LRP1B: variants seen among roughly 807,000 people sequenced by gnomAD.
The protein encoded by LRP1B is low-density lipoprotein receptor-related protein 1B.
In LRP1B, 217 loss-of-function variants were observed where a neutral mutation model predicts 556.6. The ratio of observed to expected loss-of-function variants is 0.39; its 90% CI spans 0.35 to 0.44. The LOEUF (loss-of-function observed/expected upper bound fraction) is 0.44, where lower values mean the gene tolerates loss of function less well. Ranked by LOEUF, LRP1B falls within the 20% of genes least tolerant of loss-of-function variation. LRP1B has a pLI of 1.00. For missense variants in LRP1B, 5,053 were observed against 5,620.8 expected, an observed-to-expected ratio of 0.90 and a Z score of 3.23; for synonymous variants, 2,047 against 1,865.8, an observed-to-expected ratio of 1.10 and a Z score of -2.50.
chr2:142,114,390 G>A (rs1270937473), intron 1 of LRP1B, among the ~76,000 whole-genome samples: 3 of 152,036 alleles, frequency 2.0e-5, no homozygotes, highest in African/African-American at 7.2e-5. Flanking sequence ...GTATTGAACA[G>A]TTCTAGTCCA....
chr2:140,830,137 C>T (rs1421156993), intron 31 of LRP1B, among the ~76,000 whole-genome samples: 1 of 151,506 alleles, frequency 6.6e-6, no homozygotes, highest in Admixed American at 6.6e-5. Context: ...CAAAAAAAAC[C>T]CCAGGACCTA....
intron 2 of LRP1B, among the ~76,000 whole-genome samples, chr2:141,516,490 A>C (rs4008531): frequency 0.97 from 148,037 of 152,164 alleles, 72,139 homozygotes; most frequent in East Asian, 1. Context: ...TTTTGTTGAG[A>C]AAATGTATTT....
At chr2:141,167,266 G>A (rs945513503) in intron 7 of LRP1B, 1 of 151,600 alleles carries the variant, frequency 6.6e-6, no homozygotes, top group African/African-American at 2.4e-5. Flanking sequence ...TTAATGTATG[G>A]GATGCCTCAC....
intron 24 of LRP1B, among the ~76,000 whole-genome samples, chr2:140,885,095 T>G (rs1693595369): frequency 6.6e-6 from 1 of 152,242 alleles, no homozygotes; most frequent in African/African-American, 2.4e-5. Flanking sequence ...CAGTGCTTTT[T>G]GTTAGACATA....
intron 47 of LRP1B, among the ~76,000 whole-genome samples, chr2:140,529,538 A>G (rs1349714655): frequency 6.6e-6 from 1 of 151,958 alleles, no homozygotes; most frequent in African/African-American, 2.4e-5. Flanking sequence ...CTAAGGGTGC[A>G]CAAATCTAGA....
At chr2:141,428,439 T>G (rs767653706) in intron 3 of LRP1B, among the ~76,000 whole-genome samples, 1 of 152,168 alleles carries the variant, frequency 6.6e-6, no homozygotes, top group Non-Finnish European at 1.5e-5. Flanking sequence ...AATGCTAAGC[T>G]AAAAACTTAT....
intron 2 of LRP1B, among the ~76,000 whole-genome samples, chr2:141,723,269 T>TTC (rs1692907216): frequency 6.6e-6 from 1 of 151,162 alleles, no homozygotes; most frequent in African/African-American, 2.4e-5. Context: ...TTTGTTTTTT[T>TTC]CACTGTGAAC....
intron 1 of LRP1B, among the ~76,000 whole-genome samples, chr2:142,036,147 C>T (rs1320562638): frequency 1.3e-5 from 2 of 151,636 alleles, no homozygotes; most frequent in Non-Finnish European, 3.0e-5. Flanking sequence ...CCACCCCAGG[C>T]CATCTCTTGC....
intron 1 of LRP1B, among the ~76,000 whole-genome samples, chr2:141,981,586 T>G (rs185345938): frequency 3.0e-4 from 46 of 152,196 alleles, no homozygotes; most frequent in Non-Finnish European, 1.6e-4. Context: ...TAAACTGATC[T>G]GTATTTTTCA....
chr2:140,850,588 T>C (rs1038170024), intron 28 of LRP1B, among the ~76,000 whole-genome samples: 4 of 152,178 alleles, frequency 2.6e-5, no homozygotes, highest in Non-Finnish European at 4.4e-5. Context: ...CAATTCTCAC[T>C]GACCTTAGAA....
intron 1 of LRP1B, among the ~76,000 whole-genome samples, chr2:141,854,507 G>A (rs1358316190): frequency 2.0e-5 from 3 of 151,952 alleles, no homozygotes; most frequent in Non-Finnish European, 4.4e-5. Context: ...AAAACTAAAC[G>A]CAGGCACATC....
intron 84 of LRP1B, among the ~76,000 whole-genome samples, chr2:140,285,624 G>T (rs1481697830): frequency 1.3e-5 from 2 of 151,560 alleles, no homozygotes; most frequent in African/African-American, 2.4e-5. Context: ...TAATAATCAG[G>T]TTCCCTCTGT....
chr2:142,102,872 G>T (rs1276107746), intron 1 of LRP1B, among the ~76,000 whole-genome samples: 1 of 151,728 alleles, frequency 6.6e-6, no homozygotes, highest in Admixed American at 6.6e-5. Flanking sequence ...TAATTAATGT[G>T]GACAAAAATA....
intron 1 of LRP1B, among the ~76,000 whole-genome samples, chr2:142,006,969 A>G (rs1702823238): frequency 6.6e-6 from 1 of 151,968 alleles, no homozygotes; most frequent in Non-Finnish European, 1.5e-5. Context: ...AAGAATTAGA[A>G]GACCTGATTT....
chr2:141,857,575 T>A (rs1463789245), intron 1 of LRP1B, among the ~76,000 whole-genome samples: 1 of 151,922 alleles, frequency 6.6e-6, no homozygotes, highest in East Asian at 1.9e-4. Flanking sequence ...GAGCTCAAGC[T>A]ATCCTCCCGC....
At chr2:140,650,255 G>T (rs1423633675) in intron 41 of LRP1B, among the ~76,000 whole-genome samples, 1 of 151,452 alleles carries the variant, frequency 6.6e-6, no homozygotes, top group East Asian at 1.9e-4. Flanking sequence ...TAAAAGAGAG[G>T]AAGGCAATTC....
intron 1 of LRP1B, among the ~76,000 whole-genome samples, chr2:141,982,154 A>G (rs914524503): frequency 6.6e-6 from 1 of 152,130 alleles, no homozygotes; most frequent in Non-Finnish European, 1.5e-5. Flanking sequence ...TGTAGTGTAG[A>G]TTATAGCTAA....
chr2:141,248,480 T>C (rs1404866254), intron 4 of LRP1B, among the ~76,000 whole-genome samples: 1 of 152,154 alleles, frequency 6.6e-6, no homozygotes. Context: ...GTGTGAAGCG[T>C]GATCTGGCTT....
In LRP1B at chr2:140,326,387, C is replaced by T. The variant is rs183356073; in HGVS notation, c.12224-509G>A. 1.6e-3 allele frequency among the ~76,000 whole-genome samples: 240 copies of T among 152,144 alleles called. 1 individual carries two copies. The highest frequency in any genetic ancestry group is 3.4e-3 in the African/African-American group (141 of 41,512). On this transcript the variant is annotated intron_variant, in intron 79 of 90. Coordinates refer to ENST00000389484, the MANE Select transcript of LRP1B (RefSeq NM_018557.3). ...TTTTCACCCATTCAGAGTTGGCCAACGGTGTTATCGGATATCTGTGTGCAT... is the reference window on the plus strand; with the variant it reads ...TTTTCACCCATTCAGAGTTGGCCAATGGTGTTATCGGATATCTGTGTGCAT...
Sources: gnomAD v4.1 joint callset for allele counts (sites outside exome capture counted in the v4.1 genomes callset) on GRCh38, gnomAD v4.1.1 for gene constraint, MANE v1.5 for transcripts, NCBI Gene and HGNC (gene_info 2026-07-23, HGNC 2026-07-21) for gene names.